TRPS1: variants seen among roughly 807,000 people sequenced by gnomAD.
TRPS1 encodes the protein zinc finger transcription factor Trps1.
Under a neutral mutation model 101.2 loss-of-function variants are expected in TRPS1, and 6 were observed. That is an observed-to-expected ratio of 0.06 (90% confidence interval 0.03 to 0.12). The LOEUF is 0.12. Among genes scored for constraint, TRPS1 ranks in the 10% least tolerant of loss-of-function variants. The pLI, the probability that TRPS1 is intolerant of heterozygous loss-of-function variation, is 1.00. For missense variants in TRPS1, 1,363 were observed against 1,567.0 expected, an observed-to-expected ratio of 0.87 and a Z score of 2.20; for synonymous variants, 578 against 589.8, an observed-to-expected ratio of 0.98 and a Z score of 0.29.
At chr8:115,456,746 A>T (rs544392576) in intron 5 of TRPS1, among the ~76,000 whole-genome samples, 20 of 152,142 alleles carry the variant, frequency 1.3e-4, no homozygotes, top group Non-Finnish European at 2.4e-4. Flanking sequence ...CCCCAAAAAC[A>T]TAAAGGAACA....
At chr8:115,461,742 A>T (rs1814185071) in intron 5 of TRPS1, among the ~76,000 whole-genome samples, 1 of 152,210 alleles carries the variant, frequency 6.6e-6, no homozygotes, top group Non-Finnish European at 1.5e-5. Context: ...CTAATTTCTA[A>T]AAACCTCATC....
intron 5 of TRPS1, among the ~76,000 whole-genome samples, chr8:115,528,284 T>C (rs530260590): frequency 6.6e-6 from 1 of 152,202 alleles, no homozygotes; most frequent in South Asian, 2.1e-4. Flanking sequence ...TACCTATTTA[T>C]CATAGGAAAT....
chr8:115,544,333 T>C (rs1302038948), intron 5 of TRPS1, among the ~76,000 whole-genome samples: 2 of 151,840 alleles, frequency 1.3e-5, no homozygotes, highest in African/African-American at 4.8e-5. Flanking sequence ...AGTTAATGTA[T>C]AAAAATATTT....
chr8:115,423,422 G>A (rs576025974), intron 5 of TRPS1, among the ~76,000 whole-genome samples: 2 of 152,184 alleles, frequency 1.3e-5, no homozygotes, highest in South Asian at 4.2e-4. Context: ...GATCCCTTTC[G>A]GTATTTCAAA....
Position 115,632,879 on chromosome 8 carries a change from A to G in TRPS1, c.-121-9121T>C, listed in dbSNP as rs561358653. 2.0e-5 allele frequency among the ~76,000 whole-genome samples: 3 copies of G among 152,244 alleles called. No homozygotes were observed. The South Asian group carries it at 6.2e-4, about 32-fold the overall frequency. Reference sequence around the variant, plus strand: ...AAAGGGCTTCTAGAGTACTGGCAATATTGTATTTCCTGACATGAGTGATAG... The same window carrying G: ...AAAGGGCTTCTAGAGTACTGGCAATGTTGTATTTCCTGACATGAGTGATAG... On this transcript the variant is annotated intron_variant, in intron 1 of 6. Transcript: ENST00000395715.
At chr8:115,447,263 T>C (rs568022432) in intron 5 of TRPS1, among the ~76,000 whole-genome samples, 11 of 152,266 alleles carry the variant, frequency 7.2e-5, no homozygotes, top group East Asian at 3.9e-4. Context: ...AGTCATGTGA[T>C]TGAAACAAGA....
intron 4 of TRPS1, among the ~76,000 whole-genome samples, chr8:115,601,920 T>C (rs1817916465): frequency 6.6e-6 from 1 of 152,212 alleles, no homozygotes; most frequent in Non-Finnish European, 1.5e-5. Context: ...AAAGAATAGT[T>C]CTCTTTTCTC....
chr8:115,513,292 T>G (rs934812182), intron 5 of TRPS1, among the ~76,000 whole-genome samples: 1 of 151,710 alleles, frequency 6.6e-6, no homozygotes, highest in African/African-American at 2.4e-5. Context: ...TGGTGTTTCT[T>G]CTTGCACTAT....
chr8:115,547,688 C>T (rs568776653), intron 5 of TRPS1, among the ~76,000 whole-genome samples: 6 of 152,138 alleles, frequency 3.9e-5, no homozygotes, highest in African/African-American at 1.4e-4. Context: ...CCTTGAGCTA[C>T]CCTCATCCCG....
intron 1 of TRPS1, among the ~76,000 whole-genome samples, chr8:115,633,246 G>C (rs1818690419): frequency 6.6e-6 from 1 of 152,088 alleles, no homozygotes; most frequent in South Asian, 2.1e-4. Flanking sequence ...TTCAAAGGGT[G>C]AGGGGTTTGA....
chr8:115,542,322 T>C (rs1816472768), intron 5 of TRPS1, among the ~76,000 whole-genome samples: 1 of 152,190 alleles, frequency 6.6e-6, no homozygotes, highest in African/African-American at 2.4e-5. Flanking sequence ...GCGATATTTA[T>C]TAGGCAAAAT....
At chr8:115,662,177 A>G (rs895928086) in intron 1 of TRPS1, among the ~76,000 whole-genome samples, 7 of 152,024 alleles carry the variant, frequency 4.6e-5, no homozygotes, top group Non-Finnish European at 8.8e-5. Context: ...GAAACATATC[A>G]AGTAAATCAA....
chr8:115,461,386 TGATA>T (rs1054595579), intron 5 of TRPS1, among the ~76,000 whole-genome samples: 2 of 152,062 alleles, frequency 1.3e-5, no homozygotes, highest in South Asian at 2.1e-4. Context: ...AATAGACAAA[TGATA>T]GATAGATAGA....
chr8:115,457,979 T>G (rs980629092), intron 5 of TRPS1, among the ~76,000 whole-genome samples: 11 of 152,192 alleles, frequency 7.2e-5, no homozygotes, highest in African/African-American at 2.4e-4. Flanking sequence ...AAAATTGCAG[T>G]CCCTTTAAGA....
intron 5 of TRPS1, among the ~76,000 whole-genome samples, chr8:115,454,217 G>A (rs568401330): frequency 3.9e-4 from 59 of 152,198 alleles, no homozygotes; most frequent in African/African-American, 1.3e-3. Context: ...CTCCATGCTG[G>A]CTATTCAATA....
At chr8:115,564,303 C>G (rs1287438106) in intron 5 of TRPS1, among the ~76,000 whole-genome samples, 1 of 152,050 alleles carries the variant, frequency 6.6e-6, no homozygotes, top group Non-Finnish European at 1.5e-5. Flanking sequence ...TTTTTTAACC[C>G]TATATTAAGT....
chr8:115,607,044 C>A (rs192714913), intron 3 of TRPS1, among the ~76,000 whole-genome samples: 15 of 152,126 alleles, frequency 9.9e-5, no homozygotes, highest in African/African-American at 3.6e-4. Context: ...TGAACTTCTG[C>A]TTGTTGACCC....
At chr8:115,513,880 G>A (rs1244218290) in intron 5 of TRPS1, among the ~76,000 whole-genome samples, 2 of 151,586 alleles carry the variant, frequency 1.3e-5, no homozygotes, top group Non-Finnish European at 3.0e-5. Context: ...TATATATAAA[G>A]AGTTGTGTGA....
intron 1 of TRPS1, among the ~76,000 whole-genome samples, chr8:115,652,961 G>A (rs1310907070): frequency 3.3e-5 from 5 of 152,130 alleles, no homozygotes; most frequent in Admixed American, 3.3e-4. Context: ...CCCTTAAGAG[G>A]TGGAAATAAA....
Sources: gnomAD v4.1 joint callset for allele counts (sites outside exome capture counted in the v4.1 genomes callset) on GRCh38, gnomAD v4.1.1 for gene constraint, MANE v1.5 for transcripts, NCBI Gene and HGNC (gene_info 2026-07-23, HGNC 2026-07-21) for gene names.